Variants in EPB41L4B observed in about 807,000 individuals in gnomAD.
EPB41L4B encodes erythrocyte membrane protein band 4.1 like 4B.
Under a neutral mutation model 112.5 loss-of-function variants are expected in EPB41L4B, and 30 were observed. The observed-to-expected ratio is 0.27, with a 90% CI of 0.20 to 0.36. The LOEUF (loss-of-function observed/expected upper bound fraction) is 0.36. Among genes scored for constraint, EPB41L4B ranks in the 10% least tolerant of loss-of-function variants. The pLI is 1.00. For missense variants in EPB41L4B, 1,024 were observed against 1,133.3 expected (o/e 0.90, Z 1.38); for synonymous variants, 408 against 439.7 (o/e 0.93, Z 0.90).
intron 24 of EPB41L4B, among the ~76,000 whole-genome samples, chr9:109,177,994 G>A (rs1304010263): frequency 2.0e-5 from 3 of 150,616 alleles, no homozygotes; most frequent in Non-Finnish European, 3.0e-5. Flanking sequence ...ATGAGAGCTC[G>A]CTGCAGCCTC....
chr9:109,254,346 A>G (rs1834902599), intron 11 of EPB41L4B, among the ~76,000 whole-genome samples: 1 of 152,178 alleles, frequency 6.6e-6, no homozygotes, highest in Non-Finnish European at 1.5e-5. Context: ...GGACCCTGGG[A>G]TTTGATTGTT....
At chr9:109,262,274 A>G (rs1835231715) in intron 6 of EPB41L4B, among the ~76,000 whole-genome samples, 1 of 152,026 alleles carries the variant, frequency 6.6e-6, no homozygotes, top group South Asian at 2.1e-4. Flanking sequence ...AGCTTCTAGA[A>G]CCTCTTAGTC....
intron 6 of EPB41L4B, 114 bp downstream of exon 6, chr9:109,262,936 T>C (rs1249906121): frequency 2.8e-6 from 2 of 720,620 alleles, no homozygotes; most frequent in Admixed American, 5.8e-5. Context: ...GACCGTGTCA[T>C]ATTCATTTAT....
chr9:109,226,707 TGAA>T (rs1269960311), intron 15 of EPB41L4B, among the ~76,000 whole-genome samples: 14 of 139,980 alleles, frequency 1.0e-4, no homozygotes, highest in African/African-American at 1.6e-4. Context: ...AATATATATA[TGAA>T]GAATATATAT....
intron 1 of EPB41L4B, among the ~76,000 whole-genome samples, chr9:109,307,930 G>A (rs1371996146): frequency 6.6e-6 from 1 of 152,134 alleles, no homozygotes; most frequent in Non-Finnish European, 1.5e-5. Flanking sequence ...CCTTGTTACT[G>A]CTCATTTGCC....
chr9:109,185,947 TC>T (rs1301963223), intron 22 of EPB41L4B, among the ~76,000 whole-genome samples: 4 of 151,968 alleles, frequency 2.6e-5, no homozygotes, highest in African/African-American at 9.7e-5. Context: ...GGTAGTGGCT[TC>T]TTGGCACGCG....
At chr9:109,279,702 G>A in intron 2 of EPB41L4B, 115 bp downstream of exon 2, 1 of 855,986 alleles carries the variant, frequency 1.2e-6, no homozygotes, top group Non-Finnish European at 1.8e-6. Flanking sequence ...GCCTGTTACT[G>A]GCACAGTATC....
intron 1 of EPB41L4B, among the ~76,000 whole-genome samples, chr9:109,315,621 T>C (rs1398539311): frequency 2.0e-5 from 3 of 152,196 alleles, no homozygotes; most frequent in Non-Finnish European, 4.4e-5. Context: ...ACTGACTGAC[T>C]GAAGGGAAGT....
intron 14 of EPB41L4B, among the ~76,000 whole-genome samples, chr9:109,245,835 T>C (rs1294241698): frequency 6.6e-6 from 1 of 152,198 alleles, no homozygotes; most frequent in East Asian, 1.9e-4. Context: ...AAAGGACCCG[T>C]GGTTGCCAAT....
At position 109,194,232 on chromosome 9, in the gene EPB41L4B, G is replaced by T. The variant is rs1161713949; in HGVS notation, c.2211C>A (p.Ser737=). The part of the protein sequence containing the change: ...PHKSEGKGLL[S]PGAKSPSDRG... ...CACCCCCCAATACCTTGGCCCCAGG[G>T]GACAGCAGGCCTTTGCCTTCTGACT... The change falls in exon 21 of 26, where the codon TCC becomes TCA. Residue 737 remains serine (S), a synonymous_variant. Coordinates refer to ENST00000374566, the MANE Select transcript of EPB41L4B (RefSeq NM_019114.5). 1 of 1,614,136 alleles carries T rather than the reference G, an allele frequency of 6.2e-7. No homozygotes were observed. Among genetic ancestry groups the T allele is most frequent in the East Asian group, 2.2e-5 (1 of 44,888 alleles).
chr9:109,315,210 T>C (rs1404265200), intron 1 of EPB41L4B, among the ~76,000 whole-genome samples: 2 of 152,146 alleles, frequency 1.3e-5, no homozygotes, highest in African/African-American at 4.8e-5. Context: ...GCTACAGCAG[T>C]TTATAATGCA....
At chr9:109,267,256 A>G (rs1835441372) in intron 4 of EPB41L4B, among the ~76,000 whole-genome samples, 1 of 152,234 alleles carries the variant, frequency 6.6e-6, no homozygotes, top group Admixed American at 6.5e-5. Context: ...GTGACAAGAA[A>G]ATGTATCTTC....
chr9:109,316,391 G>A (rs1170063272), intron 1 of EPB41L4B, among the ~76,000 whole-genome samples: 4 of 152,210 alleles, frequency 2.6e-5, no homozygotes, highest in Admixed American at 1.3e-4. Flanking sequence ...ACAGCCACAC[G>A]AGCAAAAGCG....
intron 2 of EPB41L4B, among the ~76,000 whole-genome samples, chr9:109,276,064 ATAAATATGTGTATATATACATATATAT>A (rs2119118055): frequency 6.8e-6 from 1 of 148,114 alleles, no homozygotes; most frequent in South Asian, 2.1e-4. Context: ...ATGTATATAC[ATAAATATGTGTATATATACATATATAT>A]TATATATGTG....
rs1054898507 is a variant in EPB41L4B at position 109,247,645 on chromosome 9, T to C, written c.1344+111A>G. The C allele has an allele frequency of 3.6e-5, 24 of 671,128 alleles. 1 individual carries two copies. In the Admixed American group the frequency reaches 5.8e-4, roughly 16 times the overall value. 41.6% of individuals were successfully genotyped at this position (671,128 alleles called of 1,614,324 possible). ...TATTTTCTCAAAATCTGATTACAAA[T>C]ATGATGACTGCTCATTATGGAAAAT... On this transcript the variant is annotated intron_variant, in intron 14 of 25. Transcript: ENST00000374566.
intron 1 of EPB41L4B, among the ~76,000 whole-genome samples, chr9:109,288,088 G>A (rs1836368971): frequency 6.6e-6 from 1 of 152,258 alleles, no homozygotes; most frequent in Admixed American, 6.5e-5. Context: ...ATGGTACTAA[G>A]AAGTGGGGCC....
chr9:109,209,853 T>C (rs912228328), intron 17 of EPB41L4B, among the ~76,000 whole-genome samples: 6 of 152,244 alleles, frequency 3.9e-5, no homozygotes, highest in Non-Finnish European at 8.8e-5. Flanking sequence ...AGATGGTAAG[T>C]CACTTGTCCA....
chr9:109,257,722 T>C (rs1003585107), intron 7 of EPB41L4B, among the ~76,000 whole-genome samples: 2 of 152,124 alleles, frequency 1.3e-5, no homozygotes, highest in African/African-American at 4.8e-5. Flanking sequence ...CGGCCAGGTG[T>C]GGTGGCTCCT....
intron 1 of EPB41L4B, among the ~76,000 whole-genome samples, chr9:109,319,115 G>C (rs1030949500): frequency 1.3e-5 from 2 of 152,254 alleles, no homozygotes; most frequent in Non-Finnish European, 2.9e-5. Flanking sequence ...GTCACACCCA[G>C]AAATTCCCGA....
Sources: gnomAD v4.1 joint callset for allele counts (sites outside exome capture counted in the v4.1 genomes callset) on GRCh38, gnomAD v4.1.1 for gene constraint, MANE v1.5 for transcripts, NCBI Gene and HGNC (gene_info 2026-07-23, HGNC 2026-07-21) for gene names.